QTGAL: variants seen among roughly 807,000 people sequenced by gnomAD.
The protein encoded by QTGAL is BGnT-like protein 1.
the QTGAL span, chr17:82,949,406 C>T: frequency 6.6e-6 from 1 of 152,196 alleles, no homozygotes; most frequent in East Asian, 1.9e-4. Context: ...GTTTTAGTGA[C>T]AAACGTGAAC....
chr17:83,036,005 G>C, the QTGAL span, among the ~76,000 whole-genome samples: 1 of 150,930 alleles, frequency 6.6e-6, no homozygotes, highest in Non-Finnish European at 1.5e-5. Flanking sequence ...TCTGTGATGA[G>C]CTGAATGTGC....
At chr17:82,959,068 TGG>T in the QTGAL span, among the ~76,000 whole-genome samples, 15 of 74,648 alleles carry the variant, frequency 2.0e-4, no homozygotes, top group East Asian at 5.8e-3. Flanking sequence ...GTGTGTACAC[TGG>T]GGGTGTATGG....
At chr17:82,958,973 C>CTG in the QTGAL span, among the ~76,000 whole-genome samples, 32 of 51,818 alleles carry the variant, frequency 6.2e-4, 5 homozygotes, top group South Asian at 2.7e-3. Context: ...TGTGTGTACA[C>CTG]TGTGGGGGTG....
chr17:83,024,776 C>T, the QTGAL span, among the ~76,000 whole-genome samples: 1 of 152,244 alleles, frequency 6.6e-6, no homozygotes, highest in Non-Finnish European at 1.5e-5. Flanking sequence ...CTTCTGCAGC[C>T]GGACAGGCAG....
chr17:82,964,029 G>GGGGGGC, the QTGAL span, among the ~76,000 whole-genome samples: 3 of 143,954 alleles, frequency 2.1e-5, no homozygotes, highest in African/African-American at 7.4e-5. Flanking sequence ...GGCTGAGGTC[G>GGGGGGC]GGGGGGTGGA....
chr17:82,965,210 G>A, the QTGAL span, among the ~76,000 whole-genome samples: 3 of 150,660 alleles, frequency 2.0e-5, no homozygotes, highest in Non-Finnish European at 4.4e-5. Context: ...CGGGGGGGAC[G>A]GGGACATGGA....
At chr17:83,051,308 C>A in the QTGAL span, among the ~76,000 whole-genome samples, 2 of 138,528 alleles carry the variant, frequency 1.4e-5, no homozygotes, top group East Asian at 4.3e-4. Context: ...GAGGCGGGAG[C>A]GAGGCAGGTG....
the QTGAL span, chr17:82,945,460 A>G: frequency 4.6e-5 from 7 of 152,334 alleles, no homozygotes; most frequent in Non-Finnish European, 1.0e-4. Flanking sequence ...ACGACTACCA[A>G]TTTCCCAGCA....
At chr17:83,045,283 C>T in the QTGAL span, among the ~76,000 whole-genome samples, 7 of 152,176 alleles carry the variant, frequency 4.6e-5, no homozygotes, top group Admixed American at 2.0e-4. Context: ...TGAATCCATA[C>T]GTTTATGGTT....
At chr17:83,001,456 G>A in the QTGAL span, among the ~76,000 whole-genome samples, 1 of 152,180 alleles carries the variant, frequency 6.6e-6, no homozygotes, top group African/African-American at 2.4e-5. Flanking sequence ...AAGTGGACAA[G>A]GAGGAGAAAA....
the QTGAL span, among the ~76,000 whole-genome samples, chr17:82,991,126 C>T: frequency 1.7e-3 from 261 of 151,942 alleles, no homozygotes; most frequent in African/African-American, 5.7e-3. Context: ...CAAAACTATA[C>T]ACTTTTTAGA....
the QTGAL span, among the ~76,000 whole-genome samples, chr17:83,002,887 TCCGCGTGTGGGATTCCTGAGCC>T: frequency 5.1e-5 from 3 of 58,326 alleles, no homozygotes; most frequent in African/African-American, 2.6e-4. Context: ...GAGCCCGCCC[TCCGCGTGTGGGATTCCTGAGCC>T]CGCCCTCCCG....
At chr17:82,967,154 A>G in the QTGAL span, among the ~76,000 whole-genome samples, 1 of 152,236 alleles carries the variant, frequency 6.6e-6, no homozygotes, top group African/African-American at 2.4e-5. Flanking sequence ...CCTTGTTTCC[A>G]AACAACGCCC....
the QTGAL span, among the ~76,000 whole-genome samples, chr17:83,013,257 G>C: frequency 1.3e-5 from 2 of 151,428 alleles, no homozygotes; most frequent in Non-Finnish European, 2.9e-5. Context: ...ACCGTGTGGG[G>C]CCCTCTGCAC....
the QTGAL span, among the ~76,000 whole-genome samples, chr17:82,950,632 G>A: frequency 5.3e-5 from 8 of 152,114 alleles, no homozygotes; most frequent in Admixed American, 3.3e-4. Context: ...TGGCGGCTAC[G>A]GCCTTAGAAA....
chr17:82,983,844 A>T, the QTGAL span, among the ~76,000 whole-genome samples: 1 of 152,180 alleles, frequency 6.6e-6, no homozygotes, highest in Non-Finnish European at 1.5e-5. Context: ...GTATTTGGAG[A>T]TGGGCTTTTA....
chr17:82,983,499 C>A, the QTGAL span, among the ~76,000 whole-genome samples: 1 of 152,196 alleles, frequency 6.6e-6, no homozygotes, highest in East Asian at 1.9e-4. Flanking sequence ...GTTAGAGACA[C>A]ACATTCCCAG....
At chr17:82,946,348 A>G in the QTGAL span, among the ~76,000 whole-genome samples, 3 of 152,248 alleles carry the variant, frequency 2.0e-5, no homozygotes, top group Non-Finnish European at 2.9e-5. Context: ...TTAGGAATAG[A>G]TTACTATATG....
the QTGAL span, among the ~76,000 whole-genome samples, chr17:82,959,420 C>A: frequency 6.6e-6 from 1 of 151,190 alleles, no homozygotes; most frequent in Admixed American, 6.6e-5. Flanking sequence ...CTTTCGTGCA[C>A]GTATGTGTGT....
Sources: gnomAD v4.1 joint callset for allele counts (sites outside exome capture counted in the v4.1 genomes callset) on GRCh38, gnomAD v4.1.1 for gene constraint, MANE v1.5 for transcripts, NCBI Gene and HGNC (gene_info 2026-07-23, HGNC 2026-07-21) for gene names.